The following RBM20 variants were observed in gnomAD, a reference collection of about 807,000 sequenced individuals.
RBM20 encodes the protein RNA binding motif protein 20.
A neutral mutation model predicts 110.1 loss-of-function variants in RBM20; 51 were observed. The observed-to-expected ratio is 0.46, with a 90% CI of 0.37 to 0.59. The LOEUF (loss-of-function observed/expected upper bound fraction) is 0.59. RBM20 is among the 20% of genes least tolerant of loss of function. The probability of loss-of-function intolerance (pLI) is 0.00; values close to 1 mark genes in which losing one functional copy is unlikely to be tolerated. For synonymous variants in RBM20, 589 were observed against 618.2 expected, an observed-to-expected ratio of 0.95 and a Z score of 0.70; for missense variants, 1,512 against 1,574.9, an observed-to-expected ratio of 0.96 and a Z score of 0.68.
chr10:110,708,912 G>T (rs763658823), intron 1 of RBM20, among the ~76,000 whole-genome samples: 3 of 152,212 alleles, frequency 2.0e-5, no homozygotes, highest in Non-Finnish European at 4.4e-5. Flanking sequence ...TGGCAGAAAC[G>T]TCCAGTGGGG....
At chr10:110,663,472 C>T (rs1862135093) in intron 1 of RBM20, among the ~76,000 whole-genome samples, 1 of 152,118 alleles carries the variant, frequency 6.6e-6, no homozygotes, top group Non-Finnish European at 1.5e-5. Context: ...TATACATGTA[C>T]TTGCTTATAC....
At chr10:110,835,412 A>C (rs1845113037) in intron 13 of RBM20, 1 of 146,882 alleles carries the variant, frequency 6.8e-6, no homozygotes, top group African/African-American at 2.5e-5. Context: ...CTCGGTTCAC[A>C]GCAACCTCCG....
chr10:110,724,829 T>C (rs988682617), intron 1 of RBM20, among the ~76,000 whole-genome samples: 1 of 152,152 alleles, frequency 6.6e-6, no homozygotes, highest in Non-Finnish European at 1.5e-5. Flanking sequence ...TGTACCAGGT[T>C]TCTTGAGGCA....
chr10:110,831,268 T>G (rs1845048748), intron 13 of RBM20, 86 bp downstream of exon 13: 1 of 1,456,998 alleles, frequency 6.9e-7, no homozygotes, highest in Non-Finnish European at 9.3e-7. Context: ...TTGGCCTTGC[T>G]TGCCTCTGAG....
At chr10:110,761,563 G>C (rs577309381) in intron 1 of RBM20, among the ~76,000 whole-genome samples, 2 of 152,358 alleles carry the variant, frequency 1.3e-5, no homozygotes, top group East Asian at 3.9e-4. Flanking sequence ...GGGTGATGCA[G>C]CCAGCCGTAG....
chr10:110,724,086 G>C (rs1027995769), intron 1 of RBM20, among the ~76,000 whole-genome samples: 1 of 152,136 alleles, frequency 6.6e-6, no homozygotes. Context: ...ACCAAGCCAG[G>C]GTCCAAGTCA....
intron 1 of RBM20, among the ~76,000 whole-genome samples, chr10:110,680,751 T>C (rs145139918): frequency 3.0e-4 from 45 of 152,246 alleles, no homozygotes; most frequent in Non-Finnish European, 5.4e-4. Context: ...CCAGCTTTGA[T>C]GCACCTATAC....
intron 10 of RBM20, 70 bp downstream of exon 10, chr10:110,820,246 G>A: frequency 9.7e-7 from 1 of 1,026,280 alleles, no homozygotes; most frequent in African/African-American, 1.6e-5. Flanking sequence ...CTTTTGCCTG[G>A]TGATGTCCTG....
chr10:110,696,988 T>C (rs1245624300), intron 1 of RBM20, among the ~76,000 whole-genome samples: 4 of 152,196 alleles, frequency 2.6e-5, no homozygotes, highest in African/African-American at 9.7e-5. Context: ...CCCCCATTCT[T>C]ACCTCTGTCA....
At chr10:110,726,499 C>A (rs1473123110) in intron 1 of RBM20, among the ~76,000 whole-genome samples, 1 of 152,200 alleles carries the variant, frequency 6.6e-6, no homozygotes, top group Non-Finnish European at 1.5e-5. Flanking sequence ...TGGTGATTAA[C>A]CCCAGTTCCT....
chr10:110,738,988 C>A (rs1843700410), intron 1 of RBM20, among the ~76,000 whole-genome samples: 1 of 152,174 alleles, frequency 6.6e-6, no homozygotes, highest in African/African-American at 2.4e-5. Context: ...TAGTAGGAAG[C>A]ATTTGAAATG....
intron 1 of RBM20, among the ~76,000 whole-genome samples, chr10:110,650,481 G>A (rs1431551525): frequency 6.6e-6 from 1 of 152,194 alleles, no homozygotes; most frequent in East Asian, 1.9e-4. Flanking sequence ...ATCTTTCCAT[G>A]TGTTCAGAAA....
At chr10:110,835,201 T>C (rs534102415) in intron 13 of RBM20, 6 of 152,318 alleles carry the variant, frequency 3.9e-5, no homozygotes, top group African/African-American at 1.4e-4. Flanking sequence ...AAAACAGAGT[T>C]GTTTTGGGAG....
chr10:110,692,821 G>A (rs576118679), intron 1 of RBM20, among the ~76,000 whole-genome samples: 1 of 152,160 alleles, frequency 6.6e-6, no homozygotes, highest in East Asian at 1.9e-4. Flanking sequence ...TCTTGCTTCT[G>A]GTATTAGGAG....
At chr10:110,727,804 C>A (rs1291368043) in intron 1 of RBM20, among the ~76,000 whole-genome samples, 1 of 152,072 alleles carries the variant, frequency 6.6e-6, no homozygotes, top group African/African-American at 2.4e-5. Context: ...CTCCCCTTGT[C>A]CCCCATCCCT....
At chr10:110,682,585 A>G (rs1862438665) in intron 1 of RBM20, among the ~76,000 whole-genome samples, 1 of 152,190 alleles carries the variant, frequency 6.6e-6, no homozygotes, top group African/African-American at 2.4e-5. Flanking sequence ...TCCTGTTGTG[A>G]AAGATTCCTG....
At chr10:110,778,946 A>C (rs1282370601) in intron 1 of RBM20, among the ~76,000 whole-genome samples, 3 of 152,150 alleles carry the variant, frequency 2.0e-5, no homozygotes, top group Non-Finnish European at 4.4e-5. Context: ...AGAGTCTGCT[A>C]TTGTCCCCTA....
intron 7 of RBM20, among the ~76,000 whole-genome samples, chr10:110,802,939 C>A (rs1027176648): frequency 6.6e-6 from 1 of 152,216 alleles, no homozygotes; most frequent in Non-Finnish European, 1.5e-5. Flanking sequence ...CCTCAGTTTA[C>A]AGATCAGGAA....
intron 1 of RBM20, among the ~76,000 whole-genome samples, chr10:110,767,294 A>G: frequency 8.0e-6 from 1 of 124,824 alleles, no homozygotes; most frequent in Non-Finnish European, 1.7e-5. Context: ...GCGGCCGGGC[A>G]GAGGTGCCCC....
Sources: gnomAD v4.1 joint callset for allele counts (sites outside exome capture counted in the v4.1 genomes callset) on GRCh38, gnomAD v4.1.1 for gene constraint, MANE v1.5 for transcripts, NCBI Gene and HGNC (gene_info 2026-07-23, HGNC 2026-07-21) for gene names.